PCSK5: variants seen among roughly 807,000 people sequenced by gnomAD.
PCSK5 encodes the protein proprotein convertase subtilisin/kexin type 5, also known as prohormone convertase 5.
Under a neutral mutation model 233.2 loss-of-function variants are expected in PCSK5, and 129 were observed. The ratio of observed to expected loss-of-function variants is 0.55; its 90% CI spans 0.48 to 0.64. The LOEUF (loss-of-function observed/expected upper bound fraction) is 0.64. Among genes scored for constraint, PCSK5 ranks in the 30% least tolerant of loss-of-function variants. The pLI is 0.00. For synonymous variants in PCSK5, 825 were observed against 879.2 expected (o/e 0.94, Z 1.09); for missense variants, 2,076 against 2,430.1 (o/e 0.85, Z 3.06).
rs1830389195 is a variant in PCSK5, at chr9:76,359,498, T to A, written c.*576T>A. 6.4e-6 allele frequency: 1 copy of A among 155,936 alleles called. No individual in the cohort carries two copies. Among genetic ancestry groups the A allele is most frequent in the Admixed American group, 6.2e-5 (1 of 16,168 alleles). The allele number at this position is 155,936 out of a possible 1,614,324, so 9.7% of individuals were successfully genotyped here. A position where few individuals can be genotyped will look rare whatever the true frequency, so the allele number is the denominator to read the frequency against. On this transcript the variant is annotated 3_prime_UTR_variant, in exon 38 of 38. Coordinates refer to ENST00000674117, the MANE Select transcript of PCSK5 (RefSeq NM_001372043.1). The stretch of plus-strand genomic sequence containing the variant: ...CCCCTGGTGAGCAGAAGAGACCACC[T>A]GGGCTGGGCTGCTCAGGACCTACTT...
intron 3 of PCSK5, among the ~76,000 whole-genome samples, chr9:75,993,999 A>G (rs867796799): frequency 6.6e-6 from 1 of 152,208 alleles, no homozygotes; most frequent in Non-Finnish European, 1.5e-5. Context: ...GCAGTGAACA[A>G]TTCTAATTGG....
chr9:76,167,206 C>A (rs893050718), intron 12 of PCSK5, among the ~76,000 whole-genome samples: 1 of 151,184 alleles, frequency 6.6e-6, no homozygotes, highest in African/African-American at 2.4e-5. Flanking sequence ...TCCTCTATTT[C>A]GAGAGGGAAC....
intron 20 of PCSK5, among the ~76,000 whole-genome samples, chr9:76,196,993 G>A (rs1824731401): frequency 6.6e-6 from 1 of 152,206 alleles, no homozygotes; most frequent in Non-Finnish European, 1.5e-5. Context: ...GGACTGGTCA[G>A]TTCCCTAAAG....
rs370251283 is a variant in PCSK5, at chr9:76,311,575, A to C, written c.3884+724A>C. ...TGTAGTTGCTTTACTCTTCCTACCA[A>C]TAGTCCCACCTCCAGAATTTACCTA... On this transcript the variant is annotated intron_variant, in intron 30 of 37. Transcript: ENST00000674117. Among the ~76,000 whole-genome samples, 34 of 152,230 alleles carry C rather than the reference A, an allele frequency of 2.2e-4. No individual in the cohort carries two copies. In the South Asian group the frequency reaches 6.4e-3, roughly 29 times the overall value.
chr9:75,986,732 A>G (rs760068546), intron 3 of PCSK5, among the ~76,000 whole-genome samples: 3 of 152,188 alleles, frequency 2.0e-5, no homozygotes, highest in African/African-American at 7.2e-5. Flanking sequence ...AATACTTTGT[A>G]AAAGTAGACC....
At chr9:76,261,446 A>G (rs1334756189) in intron 24 of PCSK5, among the ~76,000 whole-genome samples, 1 of 152,190 alleles carries the variant, frequency 6.6e-6, no homozygotes, top group African/African-American at 2.4e-5. Flanking sequence ...AAATCAATGT[A>G]CAAAAATCAG....
intron 35 of PCSK5, among the ~76,000 whole-genome samples, chr9:76,345,120 C>T (rs978210704): frequency 6.6e-6 from 1 of 152,114 alleles, no homozygotes; most frequent in Non-Finnish European, 1.5e-5. Flanking sequence ...TCAACCCTTG[C>T]CCCACTCCTT....
chr9:76,224,622 T>C (rs1027370055), intron 20 of PCSK5, among the ~76,000 whole-genome samples: 14 of 152,174 alleles, frequency 9.2e-5, no homozygotes, highest in Admixed American at 8.5e-4. Context: ...AGACTTATAG[T>C]ATGGCATAAG....
At chr9:75,893,864 C>T (rs1825708218) in intron 1 of PCSK5, among the ~76,000 whole-genome samples, 1 of 152,190 alleles carries the variant, frequency 6.6e-6, no homozygotes, top group South Asian at 2.1e-4. Context: ...GAGAGCATTT[C>T]CTCTGTAGAT....
At chr9:76,344,019 T>C (rs763566121) in intron 35 of PCSK5, among the ~76,000 whole-genome samples, 1 of 152,196 alleles carries the variant, frequency 6.6e-6, no homozygotes, top group Non-Finnish European at 1.5e-5. Context: ...ACATGTAATC[T>C]ACATAAAATT....
intron 5 of PCSK5, among the ~76,000 whole-genome samples, chr9:76,059,616 T>C (rs1159917997): frequency 1.3e-5 from 2 of 152,152 alleles, no homozygotes; most frequent in African/African-American, 2.4e-5. Flanking sequence ...AAATAGGGAA[T>C]CCTTTCCCCA....
chr9:76,258,439 T>G (rs1233240171), intron 24 of PCSK5, among the ~76,000 whole-genome samples: 5 of 152,214 alleles, frequency 3.3e-5, no homozygotes, highest in Non-Finnish European at 5.9e-5. Flanking sequence ...TTGGAAAGCC[T>G]AGTGCAATCA....
intron 3 of PCSK5, among the ~76,000 whole-genome samples, chr9:76,017,756 G>A (rs909050794): frequency 6.6e-6 from 1 of 152,114 alleles, no homozygotes; most frequent in African/African-American, 2.4e-5. Flanking sequence ...GTGTATGTGT[G>A]TGTGTGTGAT....
At chr9:76,171,105 G>A (rs899400954) in intron 13 of PCSK5, among the ~76,000 whole-genome samples, 1 of 152,186 alleles carries the variant, frequency 6.6e-6, no homozygotes, top group African/African-American at 2.4e-5. Context: ...TATCAAGAAA[G>A]CAAATGTTTG....
intron 9 of PCSK5, among the ~76,000 whole-genome samples, chr9:76,131,033 G>A (rs1822744382): frequency 6.6e-6 from 1 of 152,056 alleles, no homozygotes; most frequent in Non-Finnish European, 1.5e-5. Context: ...AAGATACTTG[G>A]CAGAGAGAAA....
chr9:75,938,711 C>T (rs575679556), intron 2 of PCSK5, among the ~76,000 whole-genome samples: 1 of 152,172 alleles, frequency 6.6e-6, no homozygotes, highest in Non-Finnish European at 1.5e-5. Flanking sequence ...TTAGAGACTG[C>T]AAATTTCTAC....
chr9:76,296,309 A>G (rs1233402135), intron 26 of PCSK5, among the ~76,000 whole-genome samples: 4 of 152,228 alleles, frequency 2.6e-5, no homozygotes, highest in Non-Finnish European at 5.9e-5. Flanking sequence ...AGCTAAAGCC[A>G]TCTTGGTTTC....
At chr9:76,263,171 C>T (rs1827232141) in intron 24 of PCSK5, among the ~76,000 whole-genome samples, 1 of 152,068 alleles carries the variant, frequency 6.6e-6, no homozygotes, top group African/African-American at 2.4e-5. Context: ...CACTTTTACA[C>T]TGTTGGTGGG....
chr9:76,033,873 C>A (rs939235075), intron 5 of PCSK5, among the ~76,000 whole-genome samples: 1 of 152,092 alleles, frequency 6.6e-6, no homozygotes, highest in Non-Finnish European at 1.5e-5. Flanking sequence ...TAGTCACCAC[C>A]GCCCAAAGCC....
Sources: gnomAD v4.1 joint callset for allele counts (sites outside exome capture counted in the v4.1 genomes callset) on GRCh38, gnomAD v4.1.1 for gene constraint, MANE v1.5 for transcripts, NCBI Gene and HGNC (gene_info 2026-07-23, HGNC 2026-07-21) for gene names.